GPBP1: variants seen among roughly 807,000 people sequenced by gnomAD.
The protein encoded by GPBP1 is GC-rich promoter binding protein 1, also known as vasculin.
Under a neutral mutation model 56.5 loss-of-function variants are expected in GPBP1, and 13 were observed. The ratio of observed to expected loss-of-function variants is 0.23; its 90% CI spans 0.15 to 0.37. GPBP1 has a LOEUF of 0.37. Ranked by LOEUF, GPBP1 falls within the 10% of genes least tolerant of loss-of-function variation. The pLI is 1.00. For synonymous variants in GPBP1, 204 were observed against 188.9 expected (o/e 1.08, Z -0.66); for missense variants, 477 against 572.3 (o/e 0.83, Z 1.70).
At position 57,232,803 on chromosome 5, in the gene GPBP1, C is replaced by T. The variant is rs574207529; in HGVS notation, c.411+1482C>T. On this transcript the variant is annotated intron_variant, in intron 5 of 11. Transcript: ENST00000506184. The stretch of plus-strand genomic sequence containing the variant: ...CTGCAGAAAGTAAAAATGGCCTTGC[C>T]GAGGAAGTTAAATTTATGTTCAAGT... Among the ~76,000 whole-genome samples, 5 of 152,156 alleles carry T rather than the reference C, an allele frequency of 3.3e-5. No homozygotes were observed. The South Asian group carries it at 8.3e-4, about 25-fold the overall frequency.
chr5:57,214,250 A>C, intron 3 of GPBP1, 57 bp downstream of exon 3: 3 of 1,352,106 alleles, frequency 2.2e-6, no homozygotes, highest in Non-Finnish European at 3.2e-6. Context: ...TTTTTACACA[A>C]ATGTAATTAA....
chr5:57,195,998 AAAAAAAAAT>A (rs1352381676), intron 2 of GPBP1, among the ~76,000 whole-genome samples: 72 of 150,064 alleles, frequency 4.8e-4, no homozygotes, highest in African/African-American at 1.7e-3. Flanking sequence ...AAAAAAAAAA[AAAAAAAAAT>A]TTTTTTTTTT....
chr5:57,249,545 A>G lies in GPBP1; in HGVS notation c.941A>G (p.His314Arg), dbSNP rs997866610. Residue 314 changes from histidine to arginine, a missense_variant, in exon 9 of 12, where the codon CAT becomes CGT. Transcript: ENST00000506184. Reference protein sequence around the residue: ...ALKRDRVEEEHEDESRAGSEK... With the variant: ...ALKRDRVEEEREDESRAGSEK... ...AAAAGAGACAGAGTAGAAGAGGAAC[A>G]TGAAGATGAAAGCCGTGCTGGCTCA... The G allele has an allele frequency of 2.5e-6, 4 of 1,610,136 alleles. No homozygotes were observed. Among genetic ancestry groups the G allele is most frequent in the African/African-American group, 2.7e-5 (2 of 74,716 alleles).
At chr5:57,230,094 C>A (rs1045013107) in intron 3 of GPBP1, among the ~76,000 whole-genome samples, 9 of 152,044 alleles carry the variant, frequency 5.9e-5, no homozygotes, top group African/African-American at 2.2e-4. Flanking sequence ...CCACACCTGG[C>A]TCATTTTTTT....
intron 5 of GPBP1, among the ~76,000 whole-genome samples, chr5:57,232,364 C>G: frequency 6.6e-6 from 1 of 152,206 alleles, no homozygotes; most frequent in Non-Finnish European, 1.5e-5. Context: ...TATTCAAACA[C>G]TTATGCTAAC....
chr5:57,241,392 C>T (rs1740819336), intron 6 of GPBP1, among the ~76,000 whole-genome samples: 1 of 152,088 alleles, frequency 6.6e-6, no homozygotes, highest in African/African-American at 2.4e-5. Flanking sequence ...ATGGGAAGAG[C>T]ATGAATAACA....
chr5:57,188,010 AG>A (rs1481934370), intron 2 of GPBP1, among the ~76,000 whole-genome samples: 1 of 152,104 alleles, frequency 6.6e-6, no homozygotes. Context: ...TGGGAGGCTG[AG>A]GTGGGTGGAT....
At chr5:57,248,524 T>G (rs1050898090) in intron 8 of GPBP1, among the ~76,000 whole-genome samples, 1 of 146,656 alleles carries the variant, frequency 6.8e-6, no homozygotes, top group Non-Finnish European at 1.5e-5. Context: ...GCCTCCCGGG[T>G]TCACGCCATT....
chr5:57,181,059 T>C (rs1219617099), intron 2 of GPBP1, among the ~76,000 whole-genome samples: 1 of 152,160 alleles, frequency 6.6e-6, no homozygotes, highest in Admixed American at 6.6e-5. Flanking sequence ...GGGGGCCAGG[T>C]GCAGTGGCTC....
At chr5:57,199,213 T>G (rs1205076247) in intron 2 of GPBP1, among the ~76,000 whole-genome samples, 2 of 152,224 alleles carry the variant, frequency 1.3e-5, no homozygotes, top group Non-Finnish European at 2.9e-5. Context: ...GAAGTAAAAC[T>G]AGCGATATTC....
At chr5:57,229,242 A>T (rs1225017705) in intron 3 of GPBP1, among the ~76,000 whole-genome samples, 1 of 60,008 alleles carries the variant, frequency 1.7e-5, no homozygotes, top group South Asian at 7.3e-4. Flanking sequence ...AAAAAAAAAA[A>T]AAAAAAAAAA....
chr5:57,182,196 G>A (rs1399502044), intron 2 of GPBP1, among the ~76,000 whole-genome samples: 1 of 152,028 alleles, frequency 6.6e-6, no homozygotes, highest in African/African-American at 2.4e-5. Context: ...TGCTGCTTCT[G>A]CCTCAGCCTC....
rs1366659464 is a variant in GPBP1, at chr5:57,204,635, G to C, written c.-57-9439G>C. ...GGGTCAGTTATGTTAGTGTCTCTCA[G>C]GTTTGGCTTTTCTCTTGTTTAGATT... On this transcript the variant is annotated intron_variant, in intron 2 of 11. Coordinates refer to ENST00000506184, the MANE Select transcript of GPBP1 (RefSeq NM_022913.4). Among the ~76,000 whole-genome samples, 3 of 152,246 alleles carry C rather than the reference G, an allele frequency of 2.0e-5. No homozygotes were observed. The East Asian group carries it at 5.8e-4, about 29-fold the overall frequency.
chr5:57,237,770 A>G (rs934753230), intron 6 of GPBP1, among the ~76,000 whole-genome samples: 2 of 152,132 alleles, frequency 1.3e-5, no homozygotes, highest in South Asian at 2.1e-4. Flanking sequence ...ATTTTAGGAA[A>G]GACTTCAATA....
Position 57,261,216 on chromosome 5 carries a change from A to C in GPBP1, c.1197A>C (p.Glu399Asp). The C allele has an allele frequency of 1.9e-6, 3 of 1,613,246 alleles. No homozygotes were observed. Among genetic ancestry groups the C allele is most frequent in the Non-Finnish European group, 2.5e-6 (3 of 1,179,258 alleles). The change falls in exon 11 of 12, where the codon GAA becomes GAC. Residue 399 changes from glutamate (E) to aspartate (D), a missense_variant. By Grantham distance (45) the Glu-to-Asp change is conservative (BLOSUM62 2). Coordinates refer to ENST00000506184, the MANE Select transcript of GPBP1 (RefSeq NM_022913.4). ...AAATGGGCTGGCAGGAAGACAGTGAAAATGATGAAACATGTGCTCCCTTAA... is the reference window on the plus strand; with the variant it reads ...AAATGGGCTGGCAGGAAGACAGTGACAATGATGAAACATGTGCTCCCTTAA... Reference protein sequence around the residue: ...LKEMGWQEDSENDETCAPLTE... With the variant: ...LKEMGWQEDSDNDETCAPLTE...
intron 2 of GPBP1, among the ~76,000 whole-genome samples, chr5:57,193,111 G>A (rs1331090331): frequency 6.6e-6 from 1 of 152,112 alleles, no homozygotes; most frequent in African/African-American, 2.4e-5. Flanking sequence ...AAGGTCAGGA[G>A]TTGAAGACCA....
At chr5:57,194,314 A>G (rs1297531098) in intron 2 of GPBP1, among the ~76,000 whole-genome samples, 1 of 152,214 alleles carries the variant, frequency 6.6e-6, no homozygotes, top group Non-Finnish European at 1.5e-5. Context: ...ATAGAGGTGT[A>G]CCAATGTATA....
intron 3 of GPBP1, among the ~76,000 whole-genome samples, chr5:57,224,248 T>TG (rs201471867): frequency 5.6e-5 from 8 of 143,312 alleles, no homozygotes; most frequent in South Asian, 4.3e-4. Context: ...CTGATCCTCT[T>TG]TTTTTTTTTT....
chr5:57,185,258 C>CTTTTT (rs747214276), intron 2 of GPBP1, among the ~76,000 whole-genome samples: 1 of 128,668 alleles, frequency 7.8e-6, no homozygotes, highest in East Asian at 2.3e-4. Context: ...TTGGTTAGGT[C>CTTTTT]TTTTTTTTTT....
Sources: allele counts gnomAD v4.1 joint callset (sites outside exome capture counted in the v4.1 genomes callset), GRCh38; gene constraint gnomAD v4.1.1; transcripts MANE v1.5; gene names NCBI Gene and HGNC (gene_info 2026-07-23, HGNC 2026-07-21).